Variants in FILIP1 observed in about 807,000 individuals in gnomAD.
The protein encoded by FILIP1 is filamin A interacting protein 1, also known as filamin-A-interacting protein 1.
Under a neutral mutation model 102.1 loss-of-function variants are expected in FILIP1, and 61 were observed. That is an observed-to-expected ratio of 0.60 (90% CI 0.49 to 0.74). FILIP1 has a LOEUF of 0.74. Ranked by LOEUF, FILIP1 falls within the 30% of genes least tolerant of loss-of-function variation. The probability of loss-of-function intolerance (pLI) is 0.00; values close to 1 mark genes in which losing one functional copy is unlikely to be tolerated. For synonymous variants in FILIP1, 491 were observed against 526.9 expected (o/e 0.93, Z 0.93); for missense variants, 1,314 against 1,441.2 (o/e 0.91, Z 1.43).
At chr6:75,436,312 G>A (rs1223256833) in intron 1 of FILIP1, among the ~76,000 whole-genome samples, 1 of 151,744 alleles carries the variant, frequency 6.6e-6, no homozygotes, top group Non-Finnish European at 1.5e-5. Context: ...CAAGGTTGCA[G>A]TGAGCCAAGA....
At chr6:75,328,921 C>T (rs1453636194) in intron 4 of FILIP1, among the ~76,000 whole-genome samples, 3 of 152,206 alleles carry the variant, frequency 2.0e-5, no homozygotes, top group Non-Finnish European at 2.9e-5. Flanking sequence ...CTGTCTGTGA[C>T]TGTGGGTGAT....
chr6:75,307,188 C>T (rs548216831), downstream of FILIP1, among the ~76,000 whole-genome samples: 35 of 152,160 alleles, frequency 2.3e-4, no homozygotes, highest in Admixed American at 2.0e-3. Context: ...TACTATGAGG[C>T]ATCTACATCT....
intron 1 of FILIP1, among the ~76,000 whole-genome samples, chr6:75,432,344 T>C (rs73461739): frequency 0.01 from 1,559 of 152,354 alleles, 39 homozygotes; most frequent in African/African-American, 0.036. Context: ...TGTTTCATTG[T>C]TACTGAGTGA....
chr6:75,406,646 C>CGAATAGCA (rs1776856814), intron 2 of FILIP1, among the ~76,000 whole-genome samples: 2 of 147,152 alleles, frequency 1.4e-5, no homozygotes, highest in African/African-American at 5.0e-5. Context: ...TCAAATCTCT[C>CGAATAGCA]GAATAGCAAT....
chr6:75,459,112 G>C (rs1304770173), intron 1 of FILIP1, among the ~76,000 whole-genome samples: 1 of 152,134 alleles, frequency 6.6e-6, no homozygotes, highest in Non-Finnish European at 1.5e-5. Context: ...TCTAAGTAAA[G>C]AGCCAGCCAA....
At chr6:75,465,515 T>C in intron 1 of FILIP1, 2 of 787,008 alleles carry the variant, frequency 2.5e-6, no homozygotes, top group Non-Finnish European at 4.2e-6. Context: ...TGCCTAATAA[T>C]GTCTAAAGAA....
chr6:75,299,290 TTTC>T lies in FILIP1; in HGVS notation c.3494-3343_3494-3341del, dbSNP rs1226391843. ...AAATCAGGTATAATTTTTCATAACT[TTTC>T]TTCTTACAGATCATAATTTTGCACA... On this transcript the variant is annotated intron_variant, in intron 6 of 6. Transcript: ENST00000393004. Among the ~76,000 whole-genome samples, 3 of 152,132 alleles carry T rather than the reference TTTC, an allele frequency of 2.0e-5. No individual in the cohort carries two copies. The East Asian group carries it at 5.8e-4, about 29-fold the overall frequency.
intron 1 of FILIP1, among the ~76,000 whole-genome samples, chr6:75,431,499 C>G (rs1169926812): frequency 6.6e-6 from 1 of 152,166 alleles, no homozygotes; most frequent in Non-Finnish European, 1.5e-5. Flanking sequence ...TCTTAGTATA[C>G]TAGCATGACT....
intron 2 of FILIP1, among the ~76,000 whole-genome samples, chr6:75,391,369 A>G (rs1439066650): frequency 6.6e-6 from 1 of 152,152 alleles, no homozygotes; most frequent in Non-Finnish European, 1.5e-5. Flanking sequence ...TGGGCTGTTA[A>G]TTCTATCAAG....
chr6:75,307,835 T>C (rs1423378435), downstream of FILIP1, among the ~76,000 whole-genome samples: 2 of 152,200 alleles, frequency 1.3e-5, no homozygotes, highest in Non-Finnish European at 2.9e-5. Flanking sequence ...TTTTTTCCCT[T>C]GGCATTAATG....
intron 4 of FILIP1, among the ~76,000 whole-genome samples, chr6:75,323,590 A>G (rs1773734469): frequency 6.6e-6 from 1 of 152,212 alleles, no homozygotes; most frequent in Admixed American, 6.5e-5. Flanking sequence ...GGCTGACAAG[A>G]AAACTTTTTC....
chr6:75,314,135 T>A lies in FILIP1; in HGVS notation c.1697A>T (p.Tyr566Phe). 1 of 1,523,104 alleles carries A rather than the reference T, an allele frequency of 6.6e-7. No homozygotes were observed. Among genetic ancestry groups the A allele is most frequent in the African/African-American group, 1.4e-5 (1 of 70,738 alleles). The allele number at this position is 1,523,104 out of a possible 1,614,324, so 94.3% of individuals were successfully genotyped here. The change falls in exon 5 of 6, where the codon TAC (tyrosine) becomes TTC (phenylalanine). Residue 566 changes from tyrosine (Y) to phenylalanine (F), a missense_variant. Physicochemically the swap from Tyr to Phe is conservative, Grantham distance 22 (BLOSUM62 3). Transcript: ENST00000237172. ...KLKSEMEEKV[Y>F]NLTRERDELI... The stretch of plus-strand genomic sequence containing the variant: ...CTCATCTCTTTCTCTTGTCAAGTTG[T>A]ATACTTTTTCCTCCATTTCAGATTT...
intron 4 of FILIP1, 76 bp from the exon 5 acceptor site, chr6:75,315,278 C>CA: frequency 3.3e-6 from 3 of 908,872 alleles, no homozygotes; most frequent in Non-Finnish European, 4.7e-6. Context: ...AAATAAAAAA[C>CA]AAAAAGCCAC....
At chr6:75,330,619 T>C (rs1335034424) in intron 4 of FILIP1, among the ~76,000 whole-genome samples, 1 of 152,178 alleles carries the variant, frequency 6.6e-6, no homozygotes, top group Non-Finnish European at 1.5e-5. Flanking sequence ...GATCCTGTAG[T>C]TATATTTATG....
At chr6:75,426,493 G>C (rs1385634973) in intron 1 of FILIP1, among the ~76,000 whole-genome samples, 1 of 152,132 alleles carries the variant, frequency 6.6e-6, no homozygotes, top group Admixed American at 6.5e-5. Context: ...TGCCCACTAA[G>C]TATACAGAGG....
chr6:75,319,848 G>C, intron 4 of FILIP1: 1 of 411,572 alleles, frequency 2.4e-6, no homozygotes. Flanking sequence ...AAAAAGAAAA[G>C]AAAAGAAAAC....
intron 4 of FILIP1, among the ~76,000 whole-genome samples, chr6:75,339,777 G>A (rs1774360427): frequency 6.6e-6 from 1 of 152,074 alleles, no homozygotes; most frequent in African/African-American, 2.4e-5. Flanking sequence ...GCGAAACCCA[G>A]TCTCTACTAA....
intron 1 of FILIP1, among the ~76,000 whole-genome samples, chr6:75,423,581 C>T (rs1257711946): frequency 3.3e-5 from 5 of 152,118 alleles, no homozygotes; most frequent in Middle Eastern, 3.2e-3. Context: ...CTTAGCAAAT[C>T]GATAAGATGC....
intron 1 of FILIP1, among the ~76,000 whole-genome samples, chr6:75,423,146 C>T (rs1777522049): frequency 6.6e-6 from 1 of 152,116 alleles, no homozygotes; most frequent in Non-Finnish European, 1.5e-5. Flanking sequence ...TCTTTTACAA[C>T]TACACTAGAA....
Sources: gnomAD v4.1 joint callset for allele counts (sites outside exome capture counted in the v4.1 genomes callset) on GRCh38, gnomAD v4.1.1 for gene constraint, MANE v1.5 for transcripts, NCBI Gene and HGNC (gene_info 2026-07-23, HGNC 2026-07-21) for gene names.